The following TSPAN18 variants were observed in gnomAD, a reference collection of about 807,000 sequenced individuals.
TSPAN18 encodes tetraspanin 18.
A neutral mutation model predicts 27.3 loss-of-function variants in TSPAN18; 14 were observed. The ratio of observed to expected loss-of-function variants is 0.51; its 90% CI spans 0.34 to 0.80. TSPAN18 has a LOEUF of 0.80. Ranked by LOEUF, TSPAN18 falls within the 30% of genes least tolerant of loss-of-function variation. The pLI is 0.01. For synonymous variants in TSPAN18, 143 were observed against 136.5 expected (o/e 1.05, Z -0.33); for missense variants, 268 against 323.9 (o/e 0.83, Z 1.32).
At chr11:44,871,543 A>G (rs941459437) in intron 3 of TSPAN18, among the ~76,000 whole-genome samples, 1 of 152,140 alleles carries the variant, frequency 6.6e-6, no homozygotes, top group Non-Finnish European at 1.5e-5. Flanking sequence ...GTGCTTGATT[A>G]CCTCCAAAGA....
At chr11:44,825,892 C>A (rs1297297789) in intron 2 of TSPAN18, among the ~76,000 whole-genome samples, 1 of 152,162 alleles carries the variant, frequency 6.6e-6, no homozygotes, top group African/African-American at 2.4e-5. Context: ...ACATGCAAGG[C>A]AAGGCAGCCT....
intron 3 of TSPAN18, among the ~76,000 whole-genome samples, chr11:44,866,767 A>G (rs1858049037): frequency 6.6e-6 from 1 of 152,094 alleles, no homozygotes; most frequent in South Asian, 2.1e-4. Context: ...CACTGCAGCC[A>G]CCTTCATGGG....
At chr11:44,760,834 G>T (rs10838352) in intron 1 of TSPAN18, among the ~76,000 whole-genome samples, 4 of 152,032 alleles carry the variant, frequency 2.6e-5, no homozygotes, top group Non-Finnish European at 5.9e-5. Flanking sequence ...CTAAAACCAG[G>T]ATGCATTGTG....
intron 1 of TSPAN18, among the ~76,000 whole-genome samples, chr11:44,751,207 G>C (rs535551184): frequency 3.9e-5 from 6 of 152,322 alleles, no homozygotes; most frequent in African/African-American, 1.2e-4. Context: ...TTCAATTCAA[G>C]GCTGGCGAGG....
chr11:44,910,337 G>A (rs1401300961), intron 5 of TSPAN18, among the ~76,000 whole-genome samples: 1 of 152,242 alleles, frequency 6.6e-6, no homozygotes, highest in Non-Finnish European at 1.5e-5. Context: ...CTCAGAATAA[G>A]GTTTGTGCCA....
At chr11:44,861,337 G>C (rs1857876572) in intron 3 of TSPAN18, among the ~76,000 whole-genome samples, 1 of 148,492 alleles carries the variant, frequency 6.7e-6, no homozygotes, top group East Asian at 2.1e-4. Flanking sequence ...TGGAGGATAA[G>C]ATATGCTGAT....
At chr11:44,877,367 C>A (rs1421253518) in intron 3 of TSPAN18, among the ~76,000 whole-genome samples, 1 of 152,172 alleles carries the variant, frequency 6.6e-6, no homozygotes, top group Non-Finnish European at 1.5e-5. Context: ...GAAGAGTGAC[C>A]TGGAGTGGTC....
intron 2 of TSPAN18, among the ~76,000 whole-genome samples, chr11:44,777,312 G>T (rs1855834839): frequency 6.6e-6 from 1 of 152,168 alleles, no homozygotes; most frequent in Non-Finnish European, 1.5e-5. Flanking sequence ...GATTGGGTTG[G>T]GGGTGGGGAG....
chr11:44,838,062 C>T (rs1461662643), intron 2 of TSPAN18, among the ~76,000 whole-genome samples: 1 of 152,066 alleles, frequency 6.6e-6, no homozygotes, highest in East Asian at 1.9e-4. Context: ...GCCCCCACAT[C>T]CCTTACAAAG....
At chr11:44,854,210 G>GT (rs1224904739) in intron 2 of TSPAN18, among the ~76,000 whole-genome samples, 2 of 131,652 alleles carry the variant, frequency 1.5e-5, no homozygotes, top group Non-Finnish European at 3.3e-5. Flanking sequence ...TGGGGGGGGG[G>GT]GTTTGTGTGC....
intron 3 of TSPAN18, among the ~76,000 whole-genome samples, chr11:44,896,443 T>C (rs1425313168): frequency 2.0e-5 from 3 of 152,136 alleles, no homozygotes; most frequent in Admixed American, 2.0e-4. Context: ...GAGCATTTCA[T>C]GGGCTCACGC....
chr11:44,758,745 T>G (rs1855386731), intron 1 of TSPAN18, among the ~76,000 whole-genome samples: 1 of 152,196 alleles, frequency 6.6e-6, no homozygotes, highest in African/African-American at 2.4e-5. Context: ...CAGGTGGATA[T>G]CCTGAGGTTT....
At chr11:44,792,604 C>T (rs372019929) in intron 2 of TSPAN18, among the ~76,000 whole-genome samples, 8 of 152,136 alleles carry the variant, frequency 5.3e-5, no homozygotes, top group Non-Finnish European at 7.4e-5. Context: ...AGAAAGGAGC[C>T]GGGGCCTCTC....
intron 2 of TSPAN18, among the ~76,000 whole-genome samples, chr11:44,805,730 G>T (rs950263630): frequency 1.3e-5 from 2 of 152,188 alleles, no homozygotes; most frequent in African/African-American, 2.4e-5. Flanking sequence ...TGCTGGCAGG[G>T]TCGTGCTCCC....
chr11:44,726,443 C>G (rs1212683934), upstream of TSPAN18: 2 of 152,182 alleles, frequency 1.3e-5, no homozygotes, highest in African/African-American at 4.8e-5. Context: ...TGGGGTCAGG[C>G]CCCTCCATGC....
intron 3 of TSPAN18, among the ~76,000 whole-genome samples, chr11:44,895,790 T>C (rs1859022789): frequency 6.6e-6 from 1 of 152,066 alleles, no homozygotes; most frequent in African/African-American, 2.4e-5. Context: ...CAGACGGAGA[T>C]GAGGCAGGGA....
chr11:44,920,336 C>T (rs1860080950), intron 8 of TSPAN18, among the ~76,000 whole-genome samples: 2 of 151,934 alleles, frequency 1.3e-5, no homozygotes, highest in Admixed American at 1.3e-4. Context: ...GGGACAGAAC[C>T]AGAATTGCAC....
chr11:44,927,603 GATT>G (rs1860413995), intron 9 of TSPAN18, among the ~76,000 whole-genome samples: 1 of 152,160 alleles, frequency 6.6e-6, no homozygotes, highest in Non-Finnish European at 1.5e-5. Flanking sequence ...AGGGGTCATT[GATT>G]ATTCATTCAT....
intron 2 of TSPAN18, among the ~76,000 whole-genome samples, chr11:44,809,616 G>A (rs1856672347): frequency 6.7e-6 from 1 of 148,218 alleles, no homozygotes; most frequent in African/African-American, 2.4e-5. Context: ...ATCTTGAGGG[G>A]GTGGGTGCTT....
Sources: gnomAD v4.1 joint callset for allele counts (sites outside exome capture counted in the v4.1 genomes callset) on GRCh38, gnomAD v4.1.1 for gene constraint, MANE v1.5 for transcripts, NCBI Gene and HGNC (gene_info 2026-07-23, HGNC 2026-07-21) for gene names.